Variants in RPRD1B observed in about 807,000 individuals in gnomAD.
RPRD1B encodes the protein regulation of nuclear pre-mRNA domain containing 1B.
In RPRD1B, 11 loss-of-function variants were observed where a neutral mutation model predicts 41.5. The observed-to-expected ratio is 0.27, with a 90% CI of 0.17 to 0.44. RPRD1B has a LOEUF of 0.44. Among genes scored for constraint, RPRD1B ranks in the 20% least tolerant of loss-of-function variants. The pLI is 1.00. For synonymous variants in RPRD1B, 158 were observed against 155.6 expected, an observed-to-expected ratio of 1.02 and a Z score of -0.12; for missense variants, 248 against 389.9, an observed-to-expected ratio of 0.64 and a Z score of 3.06.
intron 2 of RPRD1B, among the ~76,000 whole-genome samples, chr20:38,047,023 G>A (rs1413279428): frequency 6.6e-6 from 1 of 152,168 alleles, no homozygotes; most frequent in South Asian, 2.1e-4. Context: ...TAATGCAGGC[G>A]AGAGATGATA....
chr20:38,069,446 T>C (rs1417009415), intron 6 of RPRD1B, among the ~76,000 whole-genome samples: 1 of 152,234 alleles, frequency 6.6e-6, no homozygotes, highest in Non-Finnish European at 1.5e-5. Context: ...GAACTAGCAG[T>C]TGAAGAAGAG....
chr20:38,083,413 C>G (rs959664646), intron 6 of RPRD1B, among the ~76,000 whole-genome samples: 1 of 152,106 alleles, frequency 6.6e-6, no homozygotes, highest in African/African-American at 2.4e-5. Flanking sequence ...GAAAATTGTC[C>G]AGTCCTAAAG....
chr20:38,089,995 A>G lies in RPRD1B; in HGVS notation c.*120A>G, dbSNP rs1483587159. On this transcript the variant is annotated 3_prime_UTR_variant, in exon 7 of 7. Transcript: ENST00000373433. ...TTCTTCCGCCCAGCCCCCCAGCCTC[A>G]AGAAAGAACCTCAGACTCTGATTCT... 8 of 1,475,330 alleles carry G rather than the reference A, an allele frequency of 5.4e-6. No individual in the cohort carries two copies. The highest frequency in any genetic ancestry group is 1.4e-5 in the African/African-American group (1 of 70,920). The allele number at this position is 1,475,330 out of a possible 1,614,324, so 91.4% of individuals were successfully genotyped here.
chr20:38,080,705 A>G (rs898649056), intron 6 of RPRD1B, among the ~76,000 whole-genome samples: 1 of 151,948 alleles, frequency 6.6e-6, no homozygotes, highest in Non-Finnish European at 1.5e-5. Context: ...TTGTATTTTT[A>G]GTAGAGATAG....
intron 1 of RPRD1B, among the ~76,000 whole-genome samples, chr20:38,039,827 G>A (rs1315731415): frequency 6.6e-6 from 1 of 151,028 alleles, no homozygotes; most frequent in African/African-American, 2.4e-5. Flanking sequence ...TCCACCTCCT[G>A]GGTTCAAGCG....
At chr20:38,047,185 T>C (rs1313876384) in intron 2 of RPRD1B, among the ~76,000 whole-genome samples, 1 of 152,206 alleles carries the variant, frequency 6.6e-6, no homozygotes, top group African/African-American at 2.4e-5. Flanking sequence ...GAAATGTTTT[T>C]CCTTTTTTTT....
chr20:38,064,708 A>C (rs1006524946), intron 5 of RPRD1B, among the ~76,000 whole-genome samples: 1 of 152,196 alleles, frequency 6.6e-6, no homozygotes, highest in Non-Finnish European at 1.5e-5. Flanking sequence ...CCCCCAAAGC[A>C]TGAGTTACAA....
chr20:38,046,331 A>G (rs2122703334), intron 2 of RPRD1B, among the ~76,000 whole-genome samples: 1 of 152,288 alleles, frequency 6.6e-6, no homozygotes, highest in Admixed American at 6.5e-5. Flanking sequence ...ATACAGTAAG[A>G]TGATTGTTGA....
chr20:38,069,461 A>G (rs6013812), intron 6 of RPRD1B, among the ~76,000 whole-genome samples: 41,947 of 152,194 alleles, frequency 0.28, 7,954 homozygotes, highest in African/African-American at 0.55. Context: ...GAAGAGAAGC[A>G]TGTTTATAAA....
intron 6 of RPRD1B, among the ~76,000 whole-genome samples, chr20:38,076,906 CTTTTTTTTTTT>C (rs573460686): frequency 1.7e-3 from 110 of 63,514 alleles, no homozygotes; most frequent in East Asian, 0.015. Flanking sequence ...CATTCTGGAC[CTTTTTTTTTTT>C]TTTTTTTTTT....
At chr20:38,046,641 G>A (rs1033757739) in intron 2 of RPRD1B, among the ~76,000 whole-genome samples, 2 of 152,180 alleles carry the variant, frequency 1.3e-5, no homozygotes, top group Non-Finnish European at 2.9e-5. Context: ...ACATACCCCT[G>A]AAGGAGGAGA....
chr20:38,056,202 C>T (rs1032797819), intron 3 of RPRD1B, among the ~76,000 whole-genome samples: 1 of 152,040 alleles, frequency 6.6e-6, no homozygotes, highest in Non-Finnish European at 1.5e-5. Flanking sequence ...GCCTGGCCAA[C>T]ATGGTGAATG....
intron 6 of RPRD1B, chr20:38,085,555 A>G (rs1429919022): frequency 6.6e-6 from 1 of 152,276 alleles, no homozygotes; most frequent in Non-Finnish European, 1.5e-5. Context: ...GGATATGGAA[A>G]AGAGGCCCGG....
intron 6 of RPRD1B, among the ~76,000 whole-genome samples, chr20:38,080,074 ACTTG>A (rs1302555229): frequency 6.6e-6 from 1 of 151,898 alleles, no homozygotes; most frequent in East Asian, 1.9e-4. Context: ...GTTTTTTGTT[ACTTG>A]CTTATTGACT....
intron 2 of RPRD1B, among the ~76,000 whole-genome samples, chr20:38,042,655 A>G (rs2074078657): frequency 6.6e-6 from 1 of 151,958 alleles, no homozygotes; most frequent in Non-Finnish European, 1.5e-5. Flanking sequence ...CCTTTCTTAT[A>G]CCCCATTATT....
At chr20:38,088,661 C>T (rs1041985519) in intron 6 of RPRD1B, among the ~76,000 whole-genome samples, 16 of 152,062 alleles carry the variant, frequency 1.1e-4, no homozygotes, top group African/African-American at 3.4e-4. Flanking sequence ...TACCTTTTTC[C>T]GGGAGCTGAG....
intron 3 of RPRD1B, chr20:38,049,873 C>G (rs2074166923): frequency 2.1e-6 from 1 of 470,710 alleles, no homozygotes; most frequent in African/African-American, 2.0e-5. Context: ...AGATTCTTCT[C>G]CTGCCACTTC....
chr20:38,076,582 T>G (rs979375403), intron 6 of RPRD1B, among the ~76,000 whole-genome samples: 18 of 152,220 alleles, frequency 1.2e-4, no homozygotes, highest in Non-Finnish European at 2.1e-4. Flanking sequence ...CTGCCTCTGC[T>G]TCTCAGCCTG....
chr20:38,034,122 TG>T (rs767806087), intron 1 of RPRD1B, 24 bp downstream of exon 1: 129 of 1,604,796 alleles, frequency 8.0e-5, no homozygotes, highest in Non-Finnish European at 1.0e-4. Flanking sequence ...CCCCACCCCC[TG>T]GACGGTCCCC....
Sources: gnomAD v4.1 joint callset for allele counts (sites outside exome capture counted in the v4.1 genomes callset) on GRCh38, gnomAD v4.1.1 for gene constraint, MANE v1.5 for transcripts, NCBI Gene and HGNC (gene_info 2026-07-23, HGNC 2026-07-21) for gene names.